Variants in ADGRL2 observed in about 807,000 individuals in gnomAD.
The protein encoded by ADGRL2 is adhesion G protein-coupled receptor L2.
A neutral mutation model predicts 157.4 loss-of-function variants in ADGRL2; 44 were observed. The ratio of observed to expected loss-of-function variants is 0.28; its 90% confidence interval spans 0.22 to 0.36. The LOEUF (loss-of-function observed/expected upper bound fraction) is 0.36. Among genes scored for constraint, ADGRL2 ranks in the 10% least tolerant of loss-of-function variants. The pLI is 1.00. For synonymous variants in ADGRL2, 585 were observed against 624.7 expected, an observed-to-expected ratio of 0.94 and a Z score of 0.95; for missense variants, 1,510 against 1,768.9, an observed-to-expected ratio of 0.85 and a Z score of 2.63.
chr1:81,810,826 C>T (rs145852081), intron 1 of ADGRL2, among the ~76,000 whole-genome samples: 139 of 151,824 alleles, frequency 9.2e-4, no homozygotes, highest in Admixed American at 1.5e-3. Context: ...TCATATGCGT[C>T]GACAAATAAA....
At position 81,753,950 on chromosome 1, in the gene ADGRL2, G is replaced by C. The variant is rs147488609; in HGVS notation, c.-142-7861G>C. Among the ~76,000 whole-genome samples, 416 of 152,250 alleles carry C rather than the reference G, an allele frequency of 2.7e-3. 3 individuals carry two copies. Among genetic ancestry groups the C allele is most frequent in the Non-Finnish European group, 3.0e-3 (207 of 68,024 alleles). ...GCATGTTTTGGGGGAATATTCTTTA[G>C]TCTATTGTGAGAATGAGTTGTGGTC... On this transcript the variant is annotated intron_variant, in intron 1 of 20. Transcript: ENST00000359929.
chr1:81,576,612 G>T (rs913626168), intron 2 of ADGRL2, among the ~76,000 whole-genome samples: 1 of 152,070 alleles, frequency 6.6e-6, no homozygotes, highest in Non-Finnish European at 1.5e-5. Context: ...CCAAAAATGT[G>T]GTGGAATGTT....
chr1:81,462,363 GC>G (rs2077955582), intron 2 of ADGRL2, among the ~76,000 whole-genome samples: 1 of 152,132 alleles, frequency 6.6e-6, no homozygotes, highest in Admixed American at 6.5e-5. Flanking sequence ...AAATCTTGCT[GC>G]TACTCAGTCT....
At chr1:81,671,609 T>C (rs1355833080) in intron 3 of ADGRL2, among the ~76,000 whole-genome samples, 1 of 151,940 alleles carries the variant, frequency 6.6e-6, no homozygotes, top group Non-Finnish European at 1.5e-5. Flanking sequence ...ACCTCCTGGG[T>C]TCAAGTGATT....
chr1:81,781,096 T>C (rs574065960), intron 2 of ADGRL2, among the ~76,000 whole-genome samples: 1 of 152,278 alleles, frequency 6.6e-6, no homozygotes, highest in Admixed American at 6.5e-5. Flanking sequence ...CTCCTCCCTC[T>C]GTCTATGAGC....
chr1:81,885,316 C>A (rs1479453734), intron 2 of ADGRL2, among the ~76,000 whole-genome samples: 1 of 151,970 alleles, frequency 6.6e-6, no homozygotes, highest in Non-Finnish European at 1.5e-5. Flanking sequence ...TCTCTATTTT[C>A]AGAGGAATTT....
intron 1 of ADGRL2, among the ~76,000 whole-genome samples, chr1:81,363,353 G>A (rs2076010498): frequency 6.6e-6 from 1 of 151,936 alleles, no homozygotes; most frequent in Non-Finnish European, 1.5e-5. Flanking sequence ...CAATCCTATG[G>A]TAATTCAGTT....
At chr1:81,883,644 C>A (rs1033836245) in intron 2 of ADGRL2, among the ~76,000 whole-genome samples, 1 of 152,166 alleles carries the variant, frequency 6.6e-6, no homozygotes, top group Non-Finnish European at 1.5e-5. Flanking sequence ...TGATACTGCA[C>A]AGAACTTTTG....
intron 1 of ADGRL2, among the ~76,000 whole-genome samples, chr1:81,339,788 G>C (rs1484318037): frequency 6.6e-6 from 1 of 152,096 alleles, no homozygotes; most frequent in Non-Finnish European, 1.5e-5. Context: ...TGTACATTCT[G>C]AACCTTCTAC....
intron 15 of ADGRL2, 36 bp from the exon 16 acceptor site, chr1:81,970,278 G>A: frequency 6.9e-7 from 1 of 1,440,166 alleles, no homozygotes; most frequent in Non-Finnish European, 9.8e-7. Context: ...TTATTCATGA[G>A]TTTTCTTTTG....
intron 2 of ADGRL2, among the ~76,000 whole-genome samples, chr1:81,878,794 G>C (rs933580404): frequency 2.6e-5 from 4 of 152,254 alleles, no homozygotes; most frequent in African/African-American, 9.6e-5. Context: ...AATAAACACA[G>C]TGTAATGGTT....
intron 2 of ADGRL2, among the ~76,000 whole-genome samples, chr1:81,496,669 G>GAAA (rs11315453): frequency 7.0e-6 from 1 of 142,834 alleles, no homozygotes; most frequent in East Asian, 2.0e-4. Context: ...AGCTGTTGAG[G>GAAA]AAAAAAAAAA....
intron 1 of ADGRL2, among the ~76,000 whole-genome samples, chr1:81,403,836 TG>T (rs144511580): frequency 0.022 from 3,338 of 150,030 alleles, 128 homozygotes; most frequent in African/African-American, 0.077. Context: ...CACACTCTAT[TG>T]TCCAGGCTGG....
At chr1:81,844,434 G>A (rs1032323115) in intron 2 of ADGRL2, among the ~76,000 whole-genome samples, 6 of 152,144 alleles carry the variant, frequency 3.9e-5, no homozygotes, top group African/African-American at 1.4e-4. Flanking sequence ...TAGAGAATAA[G>A]ATAAGTGATT....
intron 2 of ADGRL2, among the ~76,000 whole-genome samples, chr1:81,862,747 C>T (rs55937645): frequency 0.27 from 40,543 of 151,956 alleles, 6,187 homozygotes; most frequent in Middle Eastern, 0.51. Flanking sequence ...GTTTACTTAC[C>T]ACTTTCGCCT....
chr1:81,950,205 GACAATA>G lies in ADGRL2; in HGVS notation c.1230_1235del (p.Ile411_Thr412del). ...TTTCCATAGTGCCTACCACAGCTGT[GACAATA>G]ACTTCTTCAGCTGAGCTGTTCAAAA... On this transcript the variant is annotated inframe_deletion, in exon 7 of 24. Transcript: ENST00000686636. 6.2e-7 allele frequency: 1 copy of G among 1,613,802 alleles called. No individual in the cohort carries two copies. Among genetic ancestry groups the G allele is most frequent in the South Asian group, 1.1e-5 (1 of 91,052 alleles).
intron 2 of ADGRL2, among the ~76,000 whole-genome samples, chr1:81,549,932 C>A (rs549315527): frequency 3.3e-5 from 3 of 89,634 alleles, no homozygotes; most frequent in African/African-American, 1.1e-4. Context: ...AGATAACCTG[C>A]TAAGATAGAA....
chr1:81,681,975 A>G (rs1403311549), intron 3 of ADGRL2, among the ~76,000 whole-genome samples: 1 of 152,232 alleles, frequency 6.6e-6, no homozygotes, highest in East Asian at 1.9e-4. Flanking sequence ...GGGAGAAGCC[A>G]GTGAATGAAG....
chr1:81,891,449 A>G (rs528713064), intron 2 of ADGRL2, among the ~76,000 whole-genome samples: 6 of 152,268 alleles, frequency 3.9e-5, no homozygotes, highest in African/African-American at 1.2e-4. Context: ...TCATAATTTC[A>G]GAAATATATG....
Sources: gnomAD v4.1 joint callset for allele counts (sites outside exome capture counted in the v4.1 genomes callset) on GRCh38, gnomAD v4.1.1 for gene constraint, MANE v1.5 for transcripts, NCBI Gene and HGNC (gene_info 2026-07-23, HGNC 2026-07-21) for gene names.